DGKB: variants seen among roughly 807,000 people sequenced by gnomAD.
The protein encoded by DGKB is 90 kDa diacylglycerol kinase.
A neutral mutation model predicts 114.3 loss-of-function variants in DGKB; 67 were observed. The observed-to-expected ratio is 0.59, with a 90% CI of 0.48 to 0.72. The LOEUF is 0.72. DGKB is among the 30% of genes least tolerant of loss of function. The probability of loss-of-function intolerance (pLI) is 0.00; values close to 1 mark genes in which losing one functional copy is unlikely to be tolerated. For missense variants in DGKB, 907 were observed against 975.2 expected (o/e 0.93, Z 0.93); for synonymous variants, 398 against 323.1 (o/e 1.23, Z -2.49).
At chr7:14,723,568 T>C (rs920984400) in intron 5 of DGKB, among the ~76,000 whole-genome samples, 5 of 150,230 alleles carry the variant, frequency 3.3e-5, no homozygotes, top group African/African-American at 1.3e-4. Context: ...TGTGTATATA[T>C]ATGTGTGTGT....
chr7:14,547,401 T>C (rs1794455291), intron 20 of DGKB, among the ~76,000 whole-genome samples: 1 of 152,220 alleles, frequency 6.6e-6, no homozygotes, highest in African/African-American at 2.4e-5. Context: ...AATTATATTA[T>C]GATAATATGA....
At chr7:14,791,715 G>T (rs976377497) in intron 2 of DGKB, among the ~76,000 whole-genome samples, 1 of 151,826 alleles carries the variant, frequency 6.6e-6, no homozygotes, top group Admixed American at 6.6e-5. Context: ...CCATTAATAT[G>T]AAAGATCACA....
chr7:14,838,740 A>C (rs1289991534), intron 2 of DGKB, among the ~76,000 whole-genome samples: 2 of 152,182 alleles, frequency 1.3e-5, no homozygotes, highest in African/African-American at 2.4e-5. Flanking sequence ...CAGTCGTCAA[A>C]GTAAACTTCT....
intron 4 of DGKB, among the ~76,000 whole-genome samples, chr7:14,739,385 A>G (rs536232341): frequency 6.6e-6 from 1 of 152,190 alleles, no homozygotes; most frequent in African/African-American, 2.4e-5. Flanking sequence ...GCTACCAGAA[A>G]TTCATGCTCT....
intron 2 of DGKB, among the ~76,000 whole-genome samples, chr7:14,834,056 C>A (rs1001900957): frequency 1.3e-5 from 2 of 152,248 alleles, no homozygotes; most frequent in East Asian, 1.9e-4. Context: ...TACTGTGGCA[C>A]TTCCTATAAT....
intron 21 of DGKB, among the ~76,000 whole-genome samples, chr7:14,383,092 G>A (rs572330517): frequency 1.3e-5 from 2 of 152,174 alleles, no homozygotes; most frequent in South Asian, 4.1e-4. Flanking sequence ...AAAGACCTAT[G>A]GTAAAAAACA....
chr7:14,722,615 C>T (rs913947010), intron 5 of DGKB, among the ~76,000 whole-genome samples: 1 of 152,108 alleles, frequency 6.6e-6, no homozygotes, highest in Non-Finnish European at 1.5e-5. Flanking sequence ...AGATCGAGAA[C>T]ATCCTGGCCA....
chr7:14,314,641 C>G (rs1443430959), intron 23 of DGKB, among the ~76,000 whole-genome samples: 1 of 151,976 alleles, frequency 6.6e-6, no homozygotes, highest in Non-Finnish European at 1.5e-5. Context: ...GTGAAAAGAC[C>G]AAATCTACGT....
intron 20 of DGKB, among the ~76,000 whole-genome samples, chr7:14,529,832 A>G (rs1023709097): frequency 1.3e-5 from 2 of 151,794 alleles, no homozygotes; most frequent in Non-Finnish European, 3.0e-5. Flanking sequence ...TTTGCCTGGT[A>G]TGTTCCTTCT....
chr7:14,910,889 T>C (rs1282348994), intron 1 of DGKB, among the ~76,000 whole-genome samples: 1 of 152,186 alleles, frequency 6.6e-6, no homozygotes, highest in Non-Finnish European at 1.5e-5. Context: ...TGATATTTTA[T>C]ATTAGCTTTA....
intron 1 of DGKB, among the ~76,000 whole-genome samples, chr7:14,921,720 A>C (rs981563580): frequency 1.3e-5 from 2 of 152,192 alleles, no homozygotes; most frequent in African/African-American, 4.8e-5. Flanking sequence ...ACTTGGGCTA[A>C]TGTGTTTTGT....
At chr7:14,680,224 C>T (rs1357862) in intron 12 of DGKB, among the ~76,000 whole-genome samples, 74,269 of 151,124 alleles carry the variant, frequency 0.49, 18,669 homozygotes, top group East Asian at 0.82. Context: ...GATTAATTGA[C>T]TTATTTATTA....
intron 23 of DGKB, among the ~76,000 whole-genome samples, chr7:14,261,115 T>G (rs745904102): frequency 1.4e-4 from 22 of 152,118 alleles, no homozygotes; most frequent in Non-Finnish European, 2.5e-4. Context: ...TTGCTAGATT[T>G]TCTTAATGAT....
intron 1 of DGKB, among the ~76,000 whole-genome samples, chr7:14,892,728 A>G: frequency 6.6e-6 from 1 of 151,186 alleles, no homozygotes. Context: ...GAGAAAATTT[A>G]AAATCCAGAA....
At chr7:14,816,732 A>T (rs541565344) in intron 2 of DGKB, among the ~76,000 whole-genome samples, 1 of 152,212 alleles carries the variant, frequency 6.6e-6, no homozygotes, top group African/African-American at 2.4e-5. Flanking sequence ...CATATGCACG[A>T]ATTTAATTAT....
At position 14,654,853 on chromosome 7, in the gene DGKB, T is replaced by C. The variant is rs60965072; in HGVS notation, c.1134+18076A>G. On this transcript the variant is annotated intron_variant, in intron 13 of 25. Transcript: ENST00000402815. ...GCAGAGGAATAAAACCAGATCCCCA[T>C]CTTTCACCAGAACCAAAAATTGACA... is the stretch of plus-strand genomic sequence containing the variant. Among the ~76,000 whole-genome samples, 584 of 152,014 alleles carry C rather than the reference T, an allele frequency of 3.8e-3. 1 individual carries two copies. The highest frequency in any genetic ancestry group is 0.013 in the African/African-American group (531 of 41,522).
At chr7:14,397,000 G>A (rs959130842) in intron 21 of DGKB, among the ~76,000 whole-genome samples, 2 of 152,056 alleles carry the variant, frequency 1.3e-5, no homozygotes, top group Admixed American at 1.3e-4. Flanking sequence ...AAATATTGAA[G>A]AGATTAAATT....
intron 19 of DGKB, among the ~76,000 whole-genome samples, chr7:14,578,473 G>C (rs760829473): frequency 6.6e-6 from 1 of 152,162 alleles, no homozygotes; most frequent in Non-Finnish European, 1.5e-5. Context: ...CCACCGTAAA[G>C]CATATTTCTT....
chr7:14,169,214 A>C (rs1780454710), intron 25 of DGKB, among the ~76,000 whole-genome samples: 1 of 150,504 alleles, frequency 6.6e-6, no homozygotes, highest in African/African-American at 2.4e-5. Context: ...AAAAAAAAAA[A>C]ATTAGCCAGG....
Sources: allele counts gnomAD v4.1 joint callset (sites outside exome capture counted in the v4.1 genomes callset), GRCh38; gene constraint gnomAD v4.1.1; transcripts MANE v1.5; gene names NCBI Gene and HGNC (gene_info 2026-07-23, HGNC 2026-07-21).